Variants in TSHZ2 observed in about 807,000 individuals in gnomAD.
TSHZ2 encodes the protein teashirt homolog 2.
In TSHZ2, 21 loss-of-function variants were observed where a neutral mutation model predicts 74.4. The ratio of observed to expected loss-of-function variants is 0.28; its 90% confidence interval spans 0.20 to 0.41. The LOEUF (loss-of-function observed/expected upper bound fraction) is 0.41, where lower values mean the gene tolerates loss of function less well. Ranked by LOEUF, TSHZ2 falls within the 10% of genes least tolerant of loss-of-function variation. The probability of loss-of-function intolerance (pLI) is 1.00; values close to 1 mark genes in which losing one functional copy is unlikely to be tolerated. For synonymous variants in TSHZ2, 540 were observed against 515.3 expected, an observed-to-expected ratio of 1.05 and a Z score of -0.65; for missense variants, 1,244 against 1,293.5, an observed-to-expected ratio of 0.96 and a Z score of 0.59.
At chr20:53,454,440 T>C (rs2145791565) in intron 2 of TSHZ2, among the ~76,000 whole-genome samples, 1 of 152,036 alleles carries the variant, frequency 6.6e-6, no homozygotes, top group Non-Finnish European at 1.5e-5. Context: ...CACGTGCCTG[T>C]AGTCCCAGCT....
At chr20:52,992,816 A>C (rs1054366028) in intron 1 of TSHZ2, among the ~76,000 whole-genome samples, 1 of 152,204 alleles carries the variant, frequency 6.6e-6, no homozygotes, top group Non-Finnish European at 1.5e-5. Context: ...CCTTTGAGGA[A>C]TTATTTACTG....
chr20:53,307,727 G>A (rs1423804928), intron 2 of TSHZ2, among the ~76,000 whole-genome samples: 3 of 152,114 alleles, frequency 2.0e-5, no homozygotes, highest in Admixed American at 6.5e-5. Context: ...TTAACCACCC[G>A]CCAGATCAAA....
At chr20:53,252,374 A>G (rs747105875) in intron 1 of TSHZ2, among the ~76,000 whole-genome samples, 10 of 152,200 alleles carry the variant, frequency 6.6e-5, no homozygotes, top group Non-Finnish European at 1.3e-4. Context: ...TAAAGAAAAT[A>G]TTGCATTAAG....
intron 1 of TSHZ2, among the ~76,000 whole-genome samples, chr20:52,987,705 C>G (rs2122903084): frequency 6.6e-6 from 1 of 152,280 alleles, no homozygotes; most frequent in Middle Eastern, 3.4e-3. Flanking sequence ...ACACATTTGT[C>G]TACCTGGTCT....
rs55974161 is a variant in TSHZ2 at position 53,096,922 on chromosome 20, C to CAAAAAAA, written c.40+123593_40+123594insAAAAAAA. Among the ~76,000 whole-genome samples, 196 of 150,706 alleles carry CAAAAAAA rather than the reference C, an allele frequency of 1.3e-3. 1 individual carries two copies. The highest frequency in any genetic ancestry group is 2.4e-3 in the Non-Finnish European group (161 of 67,666). ...CCCAAAAACCAAAAAAAACAAAAAA[C>CAAAAAAA]AAAACAAAAACAAAAAACAAAAAAC... On this transcript the variant is annotated intron_variant, in intron 1 of 2. Coordinates refer to ENST00000371497, the MANE Select transcript of TSHZ2 (RefSeq NM_173485.6).
At chr20:53,076,728 C>T (rs995979545) in intron 1 of TSHZ2, among the ~76,000 whole-genome samples, 3 of 152,156 alleles carry the variant, frequency 2.0e-5, no homozygotes, top group African/African-American at 7.2e-5. Context: ...TTGCTGACAA[C>T]ATGAGGCAGG....
chr20:53,341,804 G>A lies in TSHZ2; in HGVS notation c.*8+85233G>A, dbSNP rs573435801. Among the ~76,000 whole-genome samples, 6 of 152,124 alleles carry A rather than the reference G, an allele frequency of 3.9e-5. No individual in the cohort carries two copies. The South Asian group carries it at 6.2e-4, about 16-fold the overall frequency. On this transcript the variant is annotated intron_variant, in intron 2 of 2. Coordinates refer to ENST00000371497, the MANE Select transcript of TSHZ2 (RefSeq NM_173485.6). ...CAACTCACTGCAACCTCCACCTCCC[G>A]GGTTCAAGCGATTCTCCTGTCTCAG...
chr20:53,336,340 C>A (rs1979948127), intron 2 of TSHZ2, among the ~76,000 whole-genome samples: 1 of 152,052 alleles, frequency 6.6e-6, no homozygotes, highest in Non-Finnish European at 1.5e-5. Context: ...TCGGACACTC[C>A]AAAATACACA....
At chr20:53,399,249 C>A (rs780381027) in intron 2 of TSHZ2, 1 of 152,094 alleles carries the variant, frequency 6.6e-6, no homozygotes, top group Admixed American at 6.6e-5. Flanking sequence ...AAATAAAGGA[C>A]GAGTCTTTGA....
chr20:53,403,798 G>T (rs1982755021), intron 2 of TSHZ2, among the ~76,000 whole-genome samples: 1 of 152,184 alleles, frequency 6.6e-6, no homozygotes, highest in Admixed American at 6.5e-5. Flanking sequence ...TCCAGCTGAA[G>T]GTCTGCGGCT....
intron 2 of TSHZ2, chr20:53,399,960 C>G (rs6097393): frequency 0.094 from 14,252 of 152,300 alleles, 1,785 homozygotes; most frequent in African/African-American, 0.28. Flanking sequence ...TGGCCACTCA[C>G]TGTAGAGTGC....
intron 2 of TSHZ2, among the ~76,000 whole-genome samples, chr20:53,295,899 G>GT (rs1479525480): frequency 1.3e-4 from 19 of 151,990 alleles, no homozygotes; most frequent in African/African-American, 4.6e-4. Context: ...ATAGTTCTGT[G>GT]TTTTTTGTTT....
At chr20:53,217,504 G>C (rs1414049885) in intron 1 of TSHZ2, among the ~76,000 whole-genome samples, 1 of 152,108 alleles carries the variant, frequency 6.6e-6, no homozygotes, top group Non-Finnish European at 1.5e-5. Context: ...CACTTAATTT[G>C]CCAGGGGCTG....
At chr20:53,353,192 A>G (rs1164873096) in intron 2 of TSHZ2, among the ~76,000 whole-genome samples, 1 of 152,206 alleles carries the variant, frequency 6.6e-6, no homozygotes, top group Non-Finnish European at 1.5e-5. Flanking sequence ...TTGGTAAATC[A>G]GGTTGGAAGA....
chr20:53,447,739 T>C (rs1490376249), intron 2 of TSHZ2, among the ~76,000 whole-genome samples: 1 of 152,206 alleles, frequency 6.6e-6, no homozygotes. Context: ...TTATCTGATG[T>C]CCTCTCATGA....
chr20:53,381,611 T>C (rs1276668797), intron 2 of TSHZ2, among the ~76,000 whole-genome samples: 1 of 152,196 alleles, frequency 6.6e-6, no homozygotes, highest in African/African-American at 2.4e-5. Flanking sequence ...ATATCTAAAG[T>C]GAAGAAAATA....
At position 53,255,691 on chromosome 20, in the gene TSHZ2, G is replaced by C. The variant is rs1270542545; in HGVS notation, c.2233G>C (p.Ala745Pro). ...NVMDKPVLSP[A>P]STRSASVSRR... ...CATGGACAAGCCGGTCTTGAGTCCT[G>C]CCTCCACAAGGTCAGCCAGCGTGTC... Residue 745 changes from alanine to proline, a missense_variant, in exon 2 of 3, where the codon GCC (alanine) becomes CCC (proline). By Grantham distance (27) the Ala-to-Pro change is conservative. Around this residue, in one of 6 missense-constraint regions of TSHZ2, gnomAD observed 562 missense variants for 544.0 expected, o/e 1.03. Coordinates refer to ENST00000371497, the MANE Select transcript of TSHZ2 (RefSeq NM_173485.6). The surrounding 1 kb of genome is among the most constrained non-coding windows in gnomAD (Gnocchi z 4.1). The C allele has an allele frequency of 6.3e-7, 1 of 1,594,116 alleles. No homozygotes were observed. Among genetic ancestry groups the C allele is most frequent in the Admixed American group, 1.7e-5 (1 of 57,306 alleles).
chr20:53,043,873 G>C (rs1984132659), intron 1 of TSHZ2, among the ~76,000 whole-genome samples: 1 of 152,046 alleles, frequency 6.6e-6, no homozygotes, highest in Non-Finnish European at 1.5e-5. Flanking sequence ...AATAGTTTCT[G>C]GAAATATTAA....
intron 1 of TSHZ2, among the ~76,000 whole-genome samples, chr20:53,217,286 C>T (rs1989459932): frequency 6.6e-6 from 1 of 152,170 alleles, no homozygotes; most frequent in South Asian, 2.1e-4. Flanking sequence ...TGGTCGGACG[C>T]CCCACTTCTG....
Sources: gnomAD v4.1 joint callset for allele counts (sites outside exome capture counted in the v4.1 genomes callset) on GRCh38, gnomAD v4.1.1 for gene constraint, gnomAD v4.1.1 regional missense constraint, Gnocchi (gnomAD v3.1) non-coding constraint, MANE v1.5 for transcripts, NCBI Gene and HGNC (gene_info 2026-07-23, HGNC 2026-07-21) for gene names.